MPP7: variants seen among roughly 807,000 people sequenced by gnomAD.
MPP7 encodes the protein MAGUK p55 scaffold protein 7.
In MPP7, 60 loss-of-function variants were observed where a neutral mutation model predicts 76.5. That is an observed-to-expected ratio of 0.78 (90% CI 0.64 to 0.97). MPP7 has a LOEUF of 0.97. Ranked by LOEUF, MPP7 falls within the 50% of genes least tolerant of loss-of-function variation. The pLI is 0.00. For missense variants in MPP7, 641 were observed against 694.0 expected (o/e 0.92, Z 0.86); for synonymous variants, 237 against 244.5 (o/e 0.97, Z 0.29).
In MPP7 at chr10:28,051,907, C is replaced by T. The variant is rs1029143955; in HGVS notation, c.*2158G>A. ...TCTCAAAAAAAAAAAAAAAAGTATA[C>T]TACCTGATTTCTAAAATTACCAAAG... is the stretch of plus-strand genomic sequence containing the variant. On this transcript the variant is annotated 3_prime_UTR_variant, in exon 17 of 17. Transcript: ENST00000683449. 1 of 151,326 alleles carries T rather than the reference C, an allele frequency of 6.6e-6. No individual in the cohort carries two copies. The highest frequency in any genetic ancestry group is 1.9e-4 in the East Asian group (1 of 5,168). The allele number at this position is 151,326 out of a possible 1,614,324, so 9.4% of individuals were successfully genotyped here. A position where few individuals can be genotyped will look rare whatever the true frequency, so the allele number is the denominator to read the frequency against.
chr10:28,209,809 T>C (rs1338096171), intron 2 of MPP7, among the ~76,000 whole-genome samples: 1 of 152,212 alleles, frequency 6.6e-6, no homozygotes, highest in Admixed American at 6.5e-5. Context: ...AGCTAAGAGA[T>C]GTCCAGATAG....
At chr10:28,123,002 ATTT>A (rs1834893426) in intron 8 of MPP7, among the ~76,000 whole-genome samples, 1 of 151,928 alleles carries the variant, frequency 6.6e-6, no homozygotes, top group Non-Finnish European at 1.5e-5. Context: ...TTGGGAATTT[ATTT>A]TTATGTATTG....
chr10:28,162,873 TTCTC>T (rs148627992), intron 3 of MPP7, among the ~76,000 whole-genome samples: 2 of 150,022 alleles, frequency 1.3e-5, no homozygotes, highest in African/African-American at 4.9e-5. Flanking sequence ...CTCTCTCTCT[TTCTC>T]TCTCTCTCTC....
chr10:28,179,364 T>G (rs1467572409), intron 3 of MPP7, among the ~76,000 whole-genome samples: 1 of 152,148 alleles, frequency 6.6e-6, no homozygotes, highest in African/African-American at 2.4e-5. Flanking sequence ...ATTACTTGAG[T>G]GTTGATTCCA....
At chr10:28,175,758 C>A (rs553591615) in intron 3 of MPP7, among the ~76,000 whole-genome samples, 1 of 152,214 alleles carries the variant, frequency 6.6e-6, no homozygotes, top group South Asian at 2.1e-4. Context: ...GTAAAGACCA[C>A]AAGAAAAACT....
At chr10:28,292,453 A>G (rs1197898351) in intron 1 of MPP7, among the ~76,000 whole-genome samples, 2 of 108,414 alleles carry the variant, frequency 1.8e-5, no homozygotes, top group East Asian at 7.3e-4. Context: ...TCATTACGGA[A>G]AAAAAAAAAA....
intron 12 of MPP7, among the ~76,000 whole-genome samples, chr10:28,079,564 C>A (rs1852662819): frequency 6.6e-6 from 1 of 152,076 alleles, no homozygotes; most frequent in Non-Finnish European, 1.5e-5. Context: ...AACATCAGCG[C>A]CTAGAAGCGC....
intron 6 of MPP7, among the ~76,000 whole-genome samples, chr10:28,126,514 A>G (rs1049151451): frequency 6.6e-6 from 1 of 152,226 alleles, no homozygotes; most frequent in African/African-American, 2.4e-5. Context: ...TCAGATAACT[A>G]GTATATGGAA....
At chr10:28,190,020 G>C (rs1179448152) in intron 3 of MPP7, among the ~76,000 whole-genome samples, 1 of 152,056 alleles carries the variant, frequency 6.6e-6, no homozygotes, top group African/African-American at 2.4e-5. Flanking sequence ...AAAAGATGGA[G>C]TACATATGTC....
chr10:28,113,161 T>G (rs1449071819), intron 11 of MPP7, among the ~76,000 whole-genome samples: 2 of 152,172 alleles, frequency 1.3e-5, no homozygotes, highest in Non-Finnish European at 2.9e-5. Context: ...ACGGAACTCA[T>G]GCCTGCTTTC....
chr10:28,110,681 C>G (rs1388208823), intron 11 of MPP7, among the ~76,000 whole-genome samples: 1 of 152,120 alleles, frequency 6.6e-6, no homozygotes, highest in African/African-American at 2.4e-5. Context: ...CTATACATAT[C>G]TTAAAAACTT....
At chr10:28,109,627 C>CA (rs1392087885) in intron 11 of MPP7, among the ~76,000 whole-genome samples, 4 of 151,864 alleles carry the variant, frequency 2.6e-5, no homozygotes, top group Non-Finnish European at 5.9e-5. Flanking sequence ...CACCGAATCT[C>CA]AGAGCATGCG....
chr10:28,220,187 C>T (rs1299942423), intron 2 of MPP7, among the ~76,000 whole-genome samples: 2 of 152,112 alleles, frequency 1.3e-5, no homozygotes, highest in Non-Finnish European at 2.9e-5. Context: ...CATGCCATCT[C>T]TAAGCTTTAA....
intron 1 of MPP7, among the ~76,000 whole-genome samples, chr10:28,285,413 G>A (rs375236857): frequency 1.2e-4 from 19 of 152,150 alleles, no homozygotes; most frequent in African/African-American, 4.3e-4. Context: ...TCCAACTCCC[G>A]GCCTAAGATG....
intron 7 of MPP7, 70 bp downstream of exon 7, chr10:28,124,936 CTTAG>C (rs914581710): frequency 1.6e-6 from 2 of 1,220,192 alleles, no homozygotes; most frequent in Admixed American, 1.7e-5. Flanking sequence ...TGGTTATCCT[CTTAG>C]TTATCTACTG....
At chr10:28,233,426 G>A (rs974447594) in intron 2 of MPP7, among the ~76,000 whole-genome samples, 12 of 152,026 alleles carry the variant, frequency 7.9e-5, no homozygotes, top group South Asian at 2.1e-4. Context: ...ACAACACTCC[G>A]GCCGGGCGCG....
chr10:28,055,421 A>T (rs1851517129), intron 16 of MPP7, among the ~76,000 whole-genome samples: 1 of 152,208 alleles, frequency 6.6e-6, no homozygotes, highest in Non-Finnish European at 1.5e-5. Context: ...AACTAAAGTT[A>T]ATGATGAGCT....
At chr10:28,255,392 G>A (rs1350217025) in intron 1 of MPP7, among the ~76,000 whole-genome samples, 2 of 150,992 alleles carry the variant, frequency 1.3e-5, no homozygotes, top group African/African-American at 2.4e-5. Flanking sequence ...GATAACAGGC[G>A]TGAGCCACCG....
chr10:28,121,636 TTTAA>T (rs1169774803), intron 8 of MPP7, among the ~76,000 whole-genome samples: 2 of 152,292 alleles, frequency 1.3e-5, no homozygotes, highest in African/African-American at 2.4e-5. Flanking sequence ...TGTAGCCATA[TTTAA>T]TTATTTATGC....
Sources: allele counts gnomAD v4.1 joint callset (sites outside exome capture counted in the v4.1 genomes callset), GRCh38; gene constraint gnomAD v4.1.1; transcripts MANE v1.5; gene names NCBI Gene and HGNC (gene_info 2026-07-23, HGNC 2026-07-21).